Variants in NRG1 observed in about 807,000 individuals in gnomAD.
The protein encoded by NRG1 is pro-neuregulin-1, membrane-bound isoform.
A neutral mutation model predicts 63.8 loss-of-function variants in NRG1; 18 were observed. The observed-to-expected ratio is 0.28, with a 90% CI of 0.19 to 0.42. The LOEUF is 0.42. Among genes scored for constraint, NRG1 ranks in the 10% least tolerant of loss-of-function variants. The pLI is 1.00. For missense variants in NRG1, 762 were observed against 814.7 expected, an observed-to-expected ratio of 0.94 and a Z score of 0.79; for synonymous variants, 302 against 301.3, an observed-to-expected ratio of 1.00 and a Z score of -0.02.
At chr8:32,330,161 A>G (rs1029398179) in intron 1 of NRG1, among the ~76,000 whole-genome samples, 4 of 149,754 alleles carry the variant, frequency 2.7e-5, no homozygotes, top group African/African-American at 9.8e-5. Flanking sequence ...ACCTGGGATT[A>G]CAGGCATGCA....
At chr8:31,888,957 G>A (rs1563529723) in intron 1 of NRG1, among the ~76,000 whole-genome samples, 1 of 152,128 alleles carries the variant, frequency 6.6e-6, no homozygotes, top group East Asian at 1.9e-4. Context: ...TGGTTTTTCA[G>A]GGTGAAGCAT....
intron 6 of NRG1, among the ~76,000 whole-genome samples, chr8:32,734,481 T>C (rs1186338271): frequency 6.6e-6 from 1 of 152,214 alleles, no homozygotes; most frequent in Non-Finnish European, 1.5e-5. Context: ...AATACCAGCC[T>C]AGAAGAGTTC....
chr8:32,472,796 C>A (rs1365407014), intron 1 of NRG1, among the ~76,000 whole-genome samples: 1 of 152,170 alleles, frequency 6.6e-6, no homozygotes, highest in Non-Finnish European at 1.5e-5. Flanking sequence ...TCCCCACCTC[C>A]CCCATAACAC....
intron 1 of NRG1, among the ~76,000 whole-genome samples, chr8:31,903,183 C>G (rs1832234859): frequency 7.3e-6 from 1 of 137,226 alleles, no homozygotes; most frequent in Non-Finnish European, 1.5e-5. Flanking sequence ...GAATCTCACT[C>G]TGTTGCCCAG....
chr8:32,752,469 A>G (rs1828930143), intron 7 of NRG1, among the ~76,000 whole-genome samples: 1 of 152,194 alleles, frequency 6.6e-6, no homozygotes, highest in Admixed American at 6.5e-5. Flanking sequence ...TTTCACCGCA[A>G]TGCACCAGCC....
At chr8:32,768,899 C>G (rs1251109035), downstream of NRG1, among the ~76,000 whole-genome samples, 1 of 152,180 alleles carries the variant, frequency 6.6e-6, no homozygotes, top group Non-Finnish European at 1.5e-5. Context: ...GTTATGGCTC[C>G]TCTAGGATCA....
chr8:32,394,016 T>C (rs540010964), intron 1 of NRG1, among the ~76,000 whole-genome samples: 4 of 152,340 alleles, frequency 2.6e-5, no homozygotes, highest in African/African-American at 7.2e-5. Flanking sequence ...CTGTAGGCCT[T>C]ATCGTGCATC....
intron 1 of NRG1, among the ~76,000 whole-genome samples, chr8:32,014,034 C>T (rs1450374113): frequency 6.6e-6 from 1 of 152,112 alleles, no homozygotes; most frequent in Non-Finnish European, 1.5e-5. Context: ...CCTCACATCA[C>T]CTTTTCTTTT....
intron 5 of NRG1, among the ~76,000 whole-genome samples, chr8:32,670,793 G>A (rs10093683): frequency 2.0e-5 from 3 of 152,194 alleles, no homozygotes; most frequent in South Asian, 2.1e-4. Flanking sequence ...AGAGAGGTTC[G>A]TTGGTTTGCT....
intron 1 of NRG1, among the ~76,000 whole-genome samples, chr8:31,999,834 G>A (rs933088858): frequency 6.6e-6 from 1 of 151,916 alleles, no homozygotes; most frequent in Non-Finnish European, 1.5e-5. Flanking sequence ...CATACATTTT[G>A]TAAATAAACA....
At chr8:32,625,451 C>G (rs1230252139) in intron 5 of NRG1, among the ~76,000 whole-genome samples, 1 of 152,190 alleles carries the variant, frequency 6.6e-6, no homozygotes, top group African/African-American at 2.4e-5. Context: ...CTAGCACTAC[C>G]TCTTGAGTGA....
chr8:32,434,580 AG>A (rs527876710), intron 1 of NRG1, among the ~76,000 whole-genome samples: 68 of 152,230 alleles, frequency 4.5e-4, no homozygotes, highest in African/African-American at 1.4e-3. Flanking sequence ...CCAGCTTCAG[AG>A]GTGCACAGGT....
intron 1 of NRG1, among the ~76,000 whole-genome samples, chr8:31,859,674 T>C (rs1459614847): frequency 2.0e-5 from 3 of 152,234 alleles, no homozygotes; most frequent in Non-Finnish European, 4.4e-5. Flanking sequence ...AAAAAGTATG[T>C]TTGATAATCT....
At chr8:32,554,324 TAAAA>T (rs58454086) in intron 1 of NRG1, among the ~76,000 whole-genome samples, 1 of 147,886 alleles carries the variant, frequency 6.8e-6, no homozygotes, top group African/African-American at 2.5e-5. Flanking sequence ...TTTAATGGGT[TAAAA>T]AAAAAAGCGA....
chr8:31,891,194 T>A (rs2129613948), intron 1 of NRG1, among the ~76,000 whole-genome samples: 1 of 152,258 alleles, frequency 6.6e-6, no homozygotes, highest in Non-Finnish European at 1.5e-5. Flanking sequence ...CAAAAGACCC[T>A]TTAAAAGGAT....
chr8:31,764,603 CA>C (rs1563374295), intron 1 of NRG1, among the ~76,000 whole-genome samples: 1 of 152,082 alleles, frequency 6.6e-6, no homozygotes, highest in African/African-American at 2.4e-5. Context: ...TCTATATATA[CA>C]AAATATTTTG....
chr8:32,355,526 T>C (rs1277412370), intron 1 of NRG1, among the ~76,000 whole-genome samples: 1 of 152,032 alleles, frequency 6.6e-6, no homozygotes, highest in East Asian at 1.9e-4. Flanking sequence ...AAAGGATATA[T>C]CCTTGCTATA....
intron 1 of NRG1, among the ~76,000 whole-genome samples, chr8:31,942,564 T>G (rs1409264259): frequency 6.6e-6 from 1 of 152,104 alleles, no homozygotes. Flanking sequence ...AAAAAGTTTC[T>G]GCACAGCAAA....
intron 1 of NRG1, among the ~76,000 whole-genome samples, chr8:32,283,476 G>T (rs1289119633): frequency 6.6e-6 from 1 of 152,122 alleles, no homozygotes; most frequent in Non-Finnish European, 1.5e-5. Context: ...GGGGAACACG[G>T]GTAGGAGTTA....
Sources: allele counts gnomAD v4.1 joint callset (sites outside exome capture counted in the v4.1 genomes callset), GRCh38; gene constraint gnomAD v4.1.1; transcripts MANE v1.5; gene names NCBI Gene and HGNC (gene_info 2026-07-23, HGNC 2026-07-21).